The following PKIB variants were observed in gnomAD, a reference collection of about 807,000 sequenced individuals.
The protein encoded by PKIB is PKI-beta.
PKIB carries 2 observed loss-of-function variants against 4.5 expected under a neutral mutation model. The observed-to-expected ratio is 0.44, with a 90% confidence interval of 0.18 to 1.39. PKIB has a LOEUF of 1.39. PKIB is among the 40% of genes most tolerant of loss of function. The pLI is 0.27. For missense variants in PKIB, 94 were observed against 92.6 expected (o/e 1.02, Z -0.06); for synonymous variants, 38 against 36.0 (o/e 1.06, Z -0.20).
chr6:122,517,212 A>G (rs970496382), intron 2 of PKIB, among the ~76,000 whole-genome samples: 2 of 152,142 alleles, frequency 1.3e-5, no homozygotes, highest in African/African-American at 4.8e-5. Flanking sequence ...ATCACCATTC[A>G]AGTCAAGTTA....
chr6:122,723,329 C>G (rs1362654492), intron 4 of PKIB, among the ~76,000 whole-genome samples: 1 of 152,110 alleles, frequency 6.6e-6, no homozygotes, highest in Non-Finnish European at 1.5e-5. Flanking sequence ...ATGGGAATCT[C>G]AAACTTAATG....
chr6:122,685,507 A>G (rs1183259738), intron 3 of PKIB, among the ~76,000 whole-genome samples: 1 of 152,012 alleles, frequency 6.6e-6, no homozygotes, highest in African/African-American at 2.4e-5. Flanking sequence ...TAATTAATTA[A>G]TTAGTTTTTA....
chr6:122,713,285 C>T (rs1056555132), intron 3 of PKIB, among the ~76,000 whole-genome samples: 13 of 152,092 alleles, frequency 8.5e-5, no homozygotes, highest in Non-Finnish European at 1.8e-4. Context: ...GACAAAGCAG[C>T]ACTCATCTAG....
chr6:122,578,691 C>G (rs1053582418), intron 2 of PKIB, among the ~76,000 whole-genome samples: 20 of 152,134 alleles, frequency 1.3e-4, no homozygotes, highest in Admixed American at 1.0e-3. Flanking sequence ...TAATGTTACT[C>G]TTGATAGCCA....
chr6:122,646,587 T>G (rs1036610228), intron 2 of PKIB, among the ~76,000 whole-genome samples: 4 of 152,346 alleles, frequency 2.6e-5, no homozygotes, highest in African/African-American at 9.6e-5. Context: ...GTGCTATCAT[T>G]GTTTTTCCAA....
intron 2 of PKIB, among the ~76,000 whole-genome samples, chr6:122,569,263 C>A (rs1189240653): frequency 6.6e-6 from 1 of 152,172 alleles, no homozygotes; most frequent in Non-Finnish European, 1.5e-5. Context: ...AACCAGAATA[C>A]TTCCCCTGGG....
At chr6:122,682,076 A>T (rs1294565591) in intron 3 of PKIB, among the ~76,000 whole-genome samples, 1 of 152,162 alleles carries the variant, frequency 6.6e-6, no homozygotes, top group Non-Finnish European at 1.5e-5. Context: ...AGACAATCAC[A>T]GTTATCTAGC....
intron 2 of PKIB, among the ~76,000 whole-genome samples, chr6:122,529,596 T>C (rs568907497): frequency 1.4e-3 from 213 of 152,272 alleles, no homozygotes; most frequent in African/African-American, 4.9e-3. Context: ...AGTTAACCTT[T>C]CTTGTAGAGC....
At chr6:122,642,644 C>A (rs1425701883) in intron 2 of PKIB, among the ~76,000 whole-genome samples, 2 of 152,222 alleles carry the variant, frequency 1.3e-5, no homozygotes, top group African/African-American at 4.8e-5. Flanking sequence ...GATCAGACAT[C>A]ATCACTTGTC....
chr6:122,592,843 A>T (rs1235247090), intron 3 of PKIB, among the ~76,000 whole-genome samples: 9 of 152,166 alleles, frequency 5.9e-5, no homozygotes, highest in Non-Finnish European at 5.9e-5. Context: ...TGAAATGCAG[A>T]TTGTGATTTA....
chr6:122,639,930 G>A (rs181533235), intron 2 of PKIB, among the ~76,000 whole-genome samples: 1 of 152,242 alleles, frequency 6.6e-6, no homozygotes, highest in African/African-American at 2.4e-5. Context: ...GATGTGGGAA[G>A]GGTTCGCCTG....
intron 3 of PKIB, among the ~76,000 whole-genome samples, chr6:122,589,832 A>C (rs1288565737): frequency 6.6e-6 from 1 of 152,196 alleles, no homozygotes; most frequent in Non-Finnish European, 1.5e-5. Flanking sequence ...TCACGTTTTT[A>C]CCAACAGAGC....
At chr6:122,721,511 CA>C (rs1779742183) in intron 4 of PKIB, among the ~76,000 whole-genome samples, 1 of 152,182 alleles carries the variant, frequency 6.6e-6, no homozygotes, top group South Asian at 2.1e-4. Context: ...GAACATACAA[CA>C]TTTTTTTCTC....
intron 2 of PKIB, among the ~76,000 whole-genome samples, chr6:122,506,746 C>T (rs9385251): frequency 0.13 from 17,727 of 136,638 alleles, 1,235 homozygotes; most frequent in East Asian, 0.23. Context: ...GTGGCCCAGG[C>T]GGGAGTGCAG....
intron 2 of PKIB, among the ~76,000 whole-genome samples, chr6:122,658,710 A>G (rs1776870275): frequency 6.6e-6 from 1 of 151,656 alleles, no homozygotes; most frequent in African/African-American, 2.4e-5. Flanking sequence ...TGTTGGCAAA[A>G]GCAGACCTAT....
intron 3 of PKIB, among the ~76,000 whole-genome samples, chr6:122,703,939 T>TAG (rs773860299): frequency 2.2e-3 from 231 of 103,200 alleles, no homozygotes; most frequent in Middle Eastern, 5.5e-3. Flanking sequence ...TATATATATA[T>TAG]ATAGAGAGAG....
At chr6:122,473,262 T>C (rs1417247092) in intron 1 of PKIB, among the ~76,000 whole-genome samples, 2 of 152,232 alleles carry the variant, frequency 1.3e-5, no homozygotes, top group African/African-American at 4.8e-5. Context: ...AAAACACTTA[T>C]ATGTGAGTAA....
intron 3 of PKIB, among the ~76,000 whole-genome samples, chr6:122,707,943 T>C (rs1254150490): frequency 6.9e-6 from 1 of 144,958 alleles, no homozygotes; most frequent in Non-Finnish European, 1.5e-5. Flanking sequence ...CATATATTAA[T>C]GTCATATGCA....
chr6:122,693,112 G>C (rs1234286411), intron 3 of PKIB, among the ~76,000 whole-genome samples: 1 of 152,096 alleles, frequency 6.6e-6, no homozygotes, highest in Non-Finnish European at 1.5e-5. Context: ...AACTGTAATT[G>C]GGGCTTCTGA....
Sources: allele counts gnomAD v4.1 joint callset (sites outside exome capture counted in the v4.1 genomes callset), GRCh38; gene constraint gnomAD v4.1.1; transcripts MANE v1.5; gene names NCBI Gene and HGNC (gene_info 2026-07-23, HGNC 2026-07-21).